CD44: variants seen among roughly 807,000 people sequenced by gnomAD.
CD44 encodes the protein CD44 antigen.
A neutral mutation model predicts 88.8 loss-of-function variants in CD44; 49 were observed. That is an observed-to-expected ratio of 0.55 (90% CI 0.44 to 0.70). CD44 has a LOEUF of 0.70. CD44 is among the 30% of genes least tolerant of loss of function. The pLI, the probability that CD44 is intolerant of heterozygous loss-of-function variation, is 0.00. For synonymous variants in CD44, 325 were observed against 312.3 expected (o/e 1.04, Z -0.43); for missense variants, 883 against 913.8 (o/e 0.97, Z 0.43).
At chr11:35,149,409 C>G (rs958615635) in intron 1 of CD44, among the ~76,000 whole-genome samples, 2 of 152,220 alleles carry the variant, frequency 1.3e-5, no homozygotes, top group African/African-American at 4.8e-5. Context: ...GTTGATTCCC[C>G]TCTTGCCACT....
rs757983731 is a variant in CD44, at chr11:35,189,998, T to C, written c.600T>C (p.Thr200=). 6 of 1,614,226 alleles carry C rather than the reference T, an allele frequency of 3.7e-6. No homozygotes were observed. Among genetic ancestry groups the C allele is most frequent in the Admixed American group, 1.7e-5 (1 of 60,024 alleles). ...GTTACATCTTTTACACCTTTTCTAC[T>C]GTACACCCCATCCCAGACGAAGACA... is the stretch of plus-strand genomic sequence containing the variant. The part of the protein sequence containing the change: ...SGGYIFYTFS[T]VHPIPDEDSP... The change falls in exon 5 of 18, where the codon ACT becomes ACC. Residue 200 remains threonine, a synonymous_variant. Coordinates refer to ENST00000428726, the MANE Select transcript of CD44 (RefSeq NM_000610.4).
intron 16 of CD44, among the ~76,000 whole-genome samples, chr11:35,221,274 G>T (rs1949274245): frequency 2.0e-5 from 3 of 152,130 alleles, no homozygotes; most frequent in African/African-American, 7.2e-5. Flanking sequence ...AAGGTGGATA[G>T]GTGGATGCTC....
chr11:35,191,148 C>T (rs1946231444), intron 5 of CD44, among the ~76,000 whole-genome samples: 1 of 152,138 alleles, frequency 6.6e-6, no homozygotes, highest in Non-Finnish European at 1.5e-5. Flanking sequence ...GAAACTTGGG[C>T]CTCCAAAGAG....
chr11:35,139,886 G>A (rs1857559722), intron 1 of CD44, among the ~76,000 whole-genome samples: 1 of 152,254 alleles, frequency 6.6e-6, no homozygotes, highest in Non-Finnish European at 1.5e-5. Flanking sequence ...AAGGGGTCCT[G>A]GGTTCTCCCA....
rs759652266 is a variant in CD44 at position 35,147,186 on chromosome 11, A to T, written c.67+7816A>T. Among the ~76,000 whole-genome samples, 8 of 152,288 alleles carry T rather than the reference A, an allele frequency of 5.3e-5. No individual in the cohort carries two copies. In the East Asian group the frequency reaches 1.5e-3, roughly 29 times the overall value. On this transcript the variant is annotated intron_variant, in intron 1 of 17. Transcript: ENST00000428726. Reference sequence around the variant, plus strand: ...TGTTTCTCCATCAGCTAGAACTTTGACTGGGAAATGAGCCAATCAAATAGC... The same window carrying T: ...TGTTTCTCCATCAGCTAGAACTTTGTCTGGGAAATGAGCCAATCAAATAGC...
intron 1 of CD44, among the ~76,000 whole-genome samples, chr11:35,148,406 G>A (rs1392206953): frequency 6.6e-6 from 1 of 152,202 alleles, no homozygotes; most frequent in Non-Finnish European, 1.5e-5. Context: ...ACCCACAAGA[G>A]GGGATAAAAG....
At chr11:35,209,937 A>G (rs1201878474) in intron 12 of CD44, 28 bp from the exon 13 acceptor site, 10 of 1,435,118 alleles carry the variant, frequency 7.0e-6, no homozygotes, top group Non-Finnish European at 9.6e-6. Context: ...CTTCAAATTA[A>G]CACTGGATTC....
At chr11:35,199,669 C>T (rs1243208673) in intron 7 of CD44, among the ~76,000 whole-genome samples, 6 of 151,766 alleles carry the variant, frequency 4.0e-5, no homozygotes, top group African/African-American at 9.7e-5. Flanking sequence ...TTTTTAGACC[C>T]GACACCCCTC....
intron 5 of CD44, among the ~76,000 whole-genome samples, chr11:35,195,723 T>C (rs1946676834): frequency 6.6e-6 from 1 of 152,096 alleles, no homozygotes; most frequent in Admixed American, 6.6e-5. Flanking sequence ...TGGCAGTCTT[T>C]GGAGATTTTT....
At chr11:35,179,621 A>G (rs933839077) in intron 2 of CD44, among the ~76,000 whole-genome samples, 2 of 152,166 alleles carry the variant, frequency 1.3e-5, no homozygotes, top group Non-Finnish European at 2.9e-5. Flanking sequence ...TATGACTCCC[A>G]TTGTAATGAT....
chr11:35,166,898 C>G (rs922787962), intron 1 of CD44, among the ~76,000 whole-genome samples: 9 of 152,214 alleles, frequency 5.9e-5, no homozygotes, highest in Non-Finnish European at 1.2e-4. Flanking sequence ...GGCGATTCGG[C>G]CACCAAGTGT....
At chr11:35,166,514 T>A (rs1034900163) in intron 1 of CD44, among the ~76,000 whole-genome samples, 36 of 152,228 alleles carry the variant, frequency 2.4e-4, no homozygotes, top group East Asian at 1.9e-4. Context: ...GTGCATTGGG[T>A]TGATCATTTG....
chr11:35,207,504 T>C (rs1455737809), intron 11 of CD44, among the ~76,000 whole-genome samples: 8 of 152,238 alleles, frequency 5.3e-5, no homozygotes, highest in Admixed American at 4.6e-4. Flanking sequence ...ATTGTACATG[T>C]TAAATTTTAA....
chr11:35,173,727 C>T (rs76284161), intron 1 of CD44, among the ~76,000 whole-genome samples: 2,633 of 152,234 alleles, frequency 0.017, 82 homozygotes, highest in African/African-American at 0.06. Context: ...ATTGTTTCCT[C>T]GTGGTTGAGA....
chr11:35,152,411 C>G (rs2133185561), intron 1 of CD44, among the ~76,000 whole-genome samples: 1 of 152,342 alleles, frequency 6.6e-6, no homozygotes, highest in Admixed American at 6.5e-5. Context: ...GATTAGGACA[C>G]TCTGCTCTAA....
chr11:35,159,401 G>C (rs926509845), intron 1 of CD44, among the ~76,000 whole-genome samples: 2 of 152,148 alleles, frequency 1.3e-5, no homozygotes, highest in African/African-American at 2.4e-5. Flanking sequence ...AATTTCATTA[G>C]AGTGTGATTT....
intron 14 of CD44, among the ~76,000 whole-genome samples, chr11:35,212,385 G>C (rs1456321590): frequency 2.0e-5 from 3 of 151,556 alleles, no homozygotes; most frequent in Non-Finnish European, 4.4e-5. Flanking sequence ...GAATTCATAT[G>C]TGTGCATATA....
intron 1 of CD44, among the ~76,000 whole-genome samples, chr11:35,146,480 T>C (rs76581497): frequency 0.013 from 1,941 of 152,322 alleles, 38 homozygotes; most frequent in African/African-American, 0.045. Flanking sequence ...TTAGTAATAA[T>C]AGCAAACACT....
chr11:35,199,860 G>T (rs1305533842), intron 7 of CD44, among the ~76,000 whole-genome samples: 1 of 151,066 alleles, frequency 6.6e-6, no homozygotes, highest in Non-Finnish European at 1.5e-5. Context: ...AATTCCCTTG[G>T]GTGGTAACCC....
Sources: gnomAD v4.1 joint callset for allele counts (sites outside exome capture counted in the v4.1 genomes callset) on GRCh38, gnomAD v4.1.1 for gene constraint, MANE v1.5 for transcripts, NCBI Gene and HGNC (gene_info 2026-07-23, HGNC 2026-07-21) for gene names.